The following SULT1E1 variants were observed in gnomAD, a reference collection of about 807,000 sequenced individuals.
SULT1E1 encodes sulfotransferase family 1E member 1, also known as sulfotransferase 1E1.
A neutral mutation model predicts 33.6 loss-of-function variants in SULT1E1; 36 were observed. The observed-to-expected ratio is 1.07, with a 90% CI of 0.82 to 1.41. The LOEUF (loss-of-function observed/expected upper bound fraction) is 1.41. Ranked by LOEUF, SULT1E1 falls within the 40% of genes most tolerant of loss-of-function variation. SULT1E1 has a pLI of 0.00. For missense variants in SULT1E1, 371 were observed against 345.7 expected (o/e 1.07, Z -0.58); for synonymous variants, 121 against 111.7 (o/e 1.08, Z -0.53).
intron 3 of SULT1E1, 122 bp from the exon 4 acceptor site, chr4:69,854,436 T>TA (rs1721196002): frequency 1.6e-6 from 1 of 611,926 alleles, no homozygotes; most frequent in South Asian, 3.0e-5. Flanking sequence ...AGATTGTGTG[T>TA]AACACAAAGT....
chr4:69,822,809 T>A, the SULT1E1 span, among the ~76,000 whole-genome samples: 1 of 152,162 alleles, frequency 6.6e-6, no homozygotes, highest in Non-Finnish European at 1.5e-5. Flanking sequence ...ACCGTTGTAT[T>A]TGTCATAAAG....
chr4:69,837,422 A>T (rs1436797661), downstream of SULT1E1, among the ~76,000 whole-genome samples: 1 of 152,068 alleles, frequency 6.6e-6, no homozygotes, highest in Non-Finnish European at 1.5e-5. Context: ...GAAAGATAAG[A>T]AAAACATATT....
the SULT1E1 span, among the ~76,000 whole-genome samples, chr4:69,824,860 CCAG>C: frequency 1.3e-5 from 2 of 152,164 alleles, no homozygotes; most frequent in African/African-American, 4.8e-5. Flanking sequence ...GCCACCAGAG[CCAG>C]CAGTGGCAAC....
At chr4:69,859,877 CAA>C (rs1429119551) in intron 1 of SULT1E1, among the ~76,000 whole-genome samples, 170 bp downstream of exon 1, 9 of 152,010 alleles carry the variant, frequency 5.9e-5, no homozygotes, top group Non-Finnish European at 1.3e-4. Flanking sequence ...TTTTTAACAA[CAA>C]ATTATTTTAA....
chr4:69,822,339 G>A, the SULT1E1 span, among the ~76,000 whole-genome samples: 1 of 152,124 alleles, frequency 6.6e-6, no homozygotes, highest in South Asian at 2.1e-4. Context: ...GACATTGGTG[G>A]CTCACACATG....
chr4:69,846,327 A>T (rs1720976835), intron 6 of SULT1E1, among the ~76,000 whole-genome samples: 1 of 149,010 alleles, frequency 6.7e-6, no homozygotes, highest in African/African-American at 2.4e-5. Context: ...AAAAAAGAAA[A>T]GAAAAGGAAA....
In SULT1E1 at chr4:69,847,682, G is replaced by C. The variant is rs746467926; in HGVS notation, c.591+16C>G. 1 of 1,540,792 alleles carries C rather than the reference G, an allele frequency of 6.5e-7. No individual in the cohort carries two copies. Among genetic ancestry groups the C allele is most frequent in the Non-Finnish European group, 8.9e-7 (1 of 1,126,726 alleles). On this transcript the variant is annotated intron_variant, in intron 6 of 7. Coordinates refer to ENST00000226444, the MANE Select transcript of SULT1E1 (RefSeq NM_005420.3). ...TTAGAAATTACCAAGTTGCTTATGTGTTCCCAGTTCCTCACCTCTTTCAGG... is the reference window on the plus strand; with the variant it reads ...TTAGAAATTACCAAGTTGCTTATGTCTTCCCAGTTCCTCACCTCTTTCAGG...
At position 69,844,110 on chromosome 4, in the gene SULT1E1, A is replaced by G. The variant is rs192243262; in HGVS notation, c.772+51T>C. On this transcript the variant is annotated intron_variant, in intron 7 of 7. Transcript: ENST00000226444. The stretch of plus-strand genomic sequence containing the variant: ...CCTCACTAGATTTTTGCCTATAACC[A>G]TGTCACCTTGTGACTTCCTCTAGTA... 12 of 1,582,176 alleles carry G rather than the reference A, an allele frequency of 7.6e-6. No individual in the cohort carries two copies. The Admixed American group carries it at 1.8e-4, about 24-fold the overall frequency.
chr4:69,855,401 C>T lies in SULT1E1; in HGVS notation c.171G>A (p.Val57=), dbSNP rs1046915547. 19 of 1,611,858 alleles carry T rather than the reference C, an allele frequency of 1.2e-5. No individual in the cohort carries two copies. Among genetic ancestry groups the T allele is most frequent in the Admixed American group, 1.7e-5 (1 of 59,872 alleles). The part of the protein sequence containing the change: ...KSGTTWVSEI[V]YMIYKEGDVE... ...CATCACCCTCTTTATAGATCATATA[C>T]ACAATTTCACTAACCCAGGTTGTAC... The change falls in exon 3 of 8, where the codon GTG becomes GTA. Residue 57 remains valine, a synonymous_variant. Coordinates refer to ENST00000226444, the MANE Select transcript of SULT1E1 (RefSeq NM_005420.3).
chr4:69,854,307 T>G lies in SULT1E1; in HGVS notation c.279A>C (p.Lys93Asn), dbSNP rs1721188647. 6.2e-7 allele frequency: 1 copy of G among 1,601,456 alleles called. No homozygotes were observed. Residue 93 changes from lysine to asparagine, a missense_variant, in exon 4 of 8, where the codon AAA (lysine) becomes AAC (asparagine). By Grantham distance (94) the Lys-to-Asn change is moderately conservative. Transcript: ENST00000226444. The stretch of plus-strand genomic sequence containing the variant: ...TAGGAGAATTCATCTCATCTAATTG[T>G]TTTACTCCTGATTTTTAAAAAAGTA... ...CRKENLMNGV[K>N]QLDEMNSPRI... is the part of the protein sequence containing the mutation.
chr4:69,838,644 C>T (rs1720833964), downstream of SULT1E1: 1 of 152,092 alleles, frequency 6.6e-6, no homozygotes, highest in Non-Finnish European at 1.5e-5. Flanking sequence ...TGGTAGCATA[C>T]AAGGGGCTAA....
chr4:69,830,843 G>A, the SULT1E1 span, among the ~76,000 whole-genome samples: 2 of 152,206 alleles, frequency 1.3e-5, no homozygotes, highest in African/African-American at 4.8e-5. Context: ...TCTCTGTGTA[G>A]GAGGGAGCAT....
At chr4:69,821,186 T>TATAGAA in the SULT1E1 span, among the ~76,000 whole-genome samples, 2 of 152,316 alleles carry the variant, frequency 1.3e-5, no homozygotes, top group East Asian at 3.9e-4. Flanking sequence ...AAACACTGTT[T>TATAGAA]TTTAATAAAT....
rs1241278891 is a variant in SULT1E1, at chr4:69,848,084, AC to A, written c.497-293del. The stretch of plus-strand genomic sequence containing the variant: ...TAAAGCTTATGAGAAAATTGTTGAA[AC>A]TGGTGTGTGTGTGTGTGTGTGTGTG... On this transcript the variant is annotated intron_variant, in intron 5 of 7. Coordinates refer to ENST00000226444, the MANE Select transcript of SULT1E1 (RefSeq NM_005420.3). Among the ~76,000 whole-genome samples the A allele has an allele frequency of 2.0e-5, 2 of 102,374 alleles. 1 individual carries two copies. The highest frequency in any genetic ancestry group is 4.5e-4 in the East Asian group (2 of 4,418). The allele number at this position is 102,374 out of a possible 152,430, so 67.2% of individuals were successfully genotyped here.
At chr4:69,821,544 TC>T in the SULT1E1 span, among the ~76,000 whole-genome samples, 1 of 152,204 alleles carries the variant, frequency 6.6e-6, no homozygotes, top group Non-Finnish European at 1.5e-5. Context: ...TTCACTTTTC[TC>T]CTGTCAGTTA....
chr4:69,854,947 G>T (rs1171617810), intron 3 of SULT1E1, among the ~76,000 whole-genome samples: 2 of 151,864 alleles, frequency 1.3e-5, no homozygotes, highest in Admixed American at 6.6e-5. Context: ...AATATTAAAA[G>T]AATCTGTGGT....
intron 1 of SULT1E1, among the ~76,000 whole-genome samples, chr4:69,859,025 A>G (rs1053880342): frequency 3.3e-5 from 5 of 152,062 alleles, no homozygotes; most frequent in Admixed American, 3.3e-4. Context: ...TTCTCATTCT[A>G]TTCCTTTTGG....
At chr4:69,839,168 CTAT>C (rs1720840257), downstream of SULT1E1, among the ~76,000 whole-genome samples, 1 of 152,180 alleles carries the variant, frequency 6.6e-6, no homozygotes, top group African/African-American at 2.4e-5. Flanking sequence ...GACAGAATGT[CTAT>C]TTTCTGTCAC....
At chr4:69,846,305 C>CA (rs34408656) in intron 6 of SULT1E1, among the ~76,000 whole-genome samples, 7,707 of 106,988 alleles carry the variant, frequency 0.072, 300 homozygotes, top group East Asian at 0.3. Flanking sequence ...ACAAAACAAT[C>CA]AAAAAAAAAA....
Sources: allele counts gnomAD v4.1 joint callset (sites outside exome capture counted in the v4.1 genomes callset), GRCh38; gene constraint gnomAD v4.1.1; transcripts MANE v1.5; gene names NCBI Gene and HGNC (gene_info 2026-07-23, HGNC 2026-07-21).